The following SPON1 variants were observed in gnomAD, a reference collection of about 807,000 sequenced individuals.
SPON1 encodes spondin-1.
SPON1 carries 52 observed loss-of-function variants against 111.7 expected under a neutral mutation model. The observed-to-expected ratio is 0.47, with a 90% confidence interval of 0.37 to 0.59. The LOEUF is 0.59. Ranked by LOEUF, SPON1 falls within the 20% of genes least tolerant of loss-of-function variation. The probability of loss-of-function intolerance (pLI) is 0.00; values close to 1 mark genes in which losing one functional copy is unlikely to be tolerated. For synonymous variants in SPON1, 410 were observed against 395.8 expected (o/e 1.04, Z -0.43); for missense variants, 957 against 1,068.5 (o/e 0.90, Z 1.46).
At chr11:14,123,682 C>T (rs1169207193) in intron 5 of SPON1, among the ~76,000 whole-genome samples, 6 of 152,150 alleles carry the variant, frequency 3.9e-5, no homozygotes, top group Non-Finnish European at 7.3e-5. Flanking sequence ...CATCTCCATG[C>T]AGCTTCCTCC....
At chr11:13,996,373 A>G (rs142900071) in intron 2 of SPON1, among the ~76,000 whole-genome samples, 65 of 152,352 alleles carry the variant, frequency 4.3e-4, no homozygotes, top group African/African-American at 1.5e-3. Flanking sequence ...AAGAAGCACA[A>G]GAAGCAATGT....
intron 5 of SPON1, among the ~76,000 whole-genome samples, chr11:14,109,081 C>A (rs1554925185): frequency 6.6e-6 from 1 of 152,196 alleles, no homozygotes; most frequent in East Asian, 1.9e-4. Flanking sequence ...ACCATCACTT[C>A]TTTAAGGAAG....
intron 3 of SPON1, among the ~76,000 whole-genome samples, chr11:14,047,937 A>T (rs1848680606): frequency 6.6e-6 from 1 of 152,222 alleles, no homozygotes. Context: ...AGGAATGTTC[A>T]TTAAAAAGTT....
intron 5 of SPON1, among the ~76,000 whole-genome samples, chr11:14,093,342 C>A (rs1303081895): frequency 1.3e-5 from 2 of 152,198 alleles, no homozygotes; most frequent in Non-Finnish European, 2.9e-5. Context: ...TGGGAGTTAC[C>A]TAAAAGATGC....
intron 7 of SPON1, among the ~76,000 whole-genome samples, chr11:14,249,339 C>T (rs1005973197): frequency 1.3e-5 from 2 of 152,174 alleles, no homozygotes; most frequent in Non-Finnish European, 2.9e-5. Flanking sequence ...CCACCGATGT[C>T]CTCGGGATGC....
At chr11:14,127,962 C>T (rs1554927175) in intron 5 of SPON1, among the ~76,000 whole-genome samples, 1 of 152,180 alleles carries the variant, frequency 6.6e-6, no homozygotes. Flanking sequence ...TAAGAACTCA[C>T]TATCATGAGA....
At chr11:14,216,727 C>T (rs112486896) in intron 6 of SPON1, among the ~76,000 whole-genome samples, 105 of 152,290 alleles carry the variant, frequency 6.9e-4, no homozygotes, top group African/African-American at 2.4e-3. Context: ...ACAATAACAA[C>T]ATTAATCCAT....
intron 2 of SPON1, among the ~76,000 whole-genome samples, chr11:14,027,887 A>G (rs1848530642): frequency 6.6e-6 from 1 of 152,348 alleles, no homozygotes; most frequent in Admixed American, 6.5e-5. Context: ...AAAACTTAAA[A>G]GGCTGATTTA....
intron 6 of SPON1, among the ~76,000 whole-genome samples, chr11:14,169,927 T>C (rs1334054624): frequency 3.9e-5 from 6 of 152,210 alleles, no homozygotes; most frequent in Non-Finnish European, 5.9e-5. Flanking sequence ...AGTCAGGTAG[T>C]GTGATGCCTC....
intron 2 of SPON1, among the ~76,000 whole-genome samples, chr11:14,004,060 C>G (rs886608557): frequency 6.6e-6 from 1 of 152,104 alleles, no homozygotes. Context: ...TGGCTTACTT[C>G]ACTTAGCATA....
chr11:14,221,027 AG>A (rs1848674633), intron 6 of SPON1, among the ~76,000 whole-genome samples: 1 of 152,250 alleles, frequency 6.6e-6, no homozygotes, highest in African/African-American at 2.4e-5. Context: ...AAGTCCTTTC[AG>A]GCATGACAGA....
chr11:14,108,958 G>GA (rs1207317715), intron 5 of SPON1, among the ~76,000 whole-genome samples: 4 of 152,214 alleles, frequency 2.6e-5, no homozygotes, highest in African/African-American at 9.6e-5. Context: ...AGTTAGAGAG[G>GA]AATCAAAGCT....
At chr11:14,046,908 C>T (rs1403089659) in intron 3 of SPON1, among the ~76,000 whole-genome samples, 1 of 152,148 alleles carries the variant, frequency 6.6e-6, no homozygotes, top group Non-Finnish European at 1.5e-5. Context: ...TTAGATTGCA[C>T]ATTCTTGAGA....
intron 2 of SPON1, among the ~76,000 whole-genome samples, chr11:14,009,818 C>A (rs1848390436): frequency 6.6e-6 from 1 of 152,194 alleles, no homozygotes; most frequent in South Asian, 2.1e-4. Flanking sequence ...AGAGAGCTCA[C>A]TCAGGTCTCT....
chr11:14,000,866 A>G lies in SPON1; in HGVS notation c.345+17913A>G, dbSNP rs114883418. 4.4e-3 allele frequency among the ~76,000 whole-genome samples: 673 copies of G among 152,228 alleles called. 4 individuals are homozygous for G. Among genetic ancestry groups the G allele is most frequent in the African/African-American group, 0.015 (617 of 41,522 alleles). ...AACATAGCCACTCCACCCCTCATTA[A>G]CTATATAAGCTTGGCCACTTAATTT... On this transcript the variant is annotated intron_variant, in intron 2 of 15. Transcript: ENST00000576479.
chr11:14,262,984 C>T lies in SPON1; in HGVS notation c.2260+9C>T. On this transcript the variant is annotated intron_variant, in intron 15 of 15. Transcript: ENST00000576479. ...AGGGGAGCAGTTCCCAGGTATGGCT[C>T]CCAAGTGTCAGCCTGGGTGGTCTCC... The T allele has an allele frequency of 6.2e-7, 1 of 1,611,340 alleles. No homozygotes were observed. The highest frequency in any genetic ancestry group is 8.5e-7 in the Non-Finnish European group (1 of 1,179,066).
intron 3 of SPON1, among the ~76,000 whole-genome samples, chr11:14,049,246 C>T (rs1325534761): frequency 6.6e-6 from 1 of 152,168 alleles, no homozygotes; most frequent in Non-Finnish European, 1.5e-5. Context: ...CTCCCTCCAA[C>T]ATCATTAGAG....
intron 7 of SPON1, among the ~76,000 whole-genome samples, chr11:14,250,338 T>G (rs1304213468): frequency 1.3e-5 from 2 of 149,370 alleles, no homozygotes; most frequent in East Asian, 3.8e-4. Flanking sequence ...TTCTATGATC[T>G]GGTTATTTTC....
chr11:14,105,789 C>A (rs1849179813), intron 5 of SPON1, among the ~76,000 whole-genome samples: 1 of 152,186 alleles, frequency 6.6e-6, no homozygotes, highest in South Asian at 2.1e-4. Context: ...CAGGCTCTCA[C>A]TCAGACTTCC....
Sources: gnomAD v4.1 joint callset for allele counts (sites outside exome capture counted in the v4.1 genomes callset) on GRCh38, gnomAD v4.1.1 for gene constraint, MANE v1.5 for transcripts, NCBI Gene and HGNC (gene_info 2026-07-23, HGNC 2026-07-21) for gene names.